Variants in PTPRT observed in about 807,000 individuals in gnomAD.
PTPRT encodes the protein protein tyrosine phosphatase receptor type T, also known as receptor-type tyrosine-protein phosphatase T.
PTPRT carries 56 observed loss-of-function variants against 176.8 expected under a neutral mutation model. The ratio of observed to expected loss-of-function variants is 0.32; its 90% confidence interval spans 0.26 to 0.40. The LOEUF (loss-of-function observed/expected upper bound fraction) is 0.40. Among genes scored for constraint, PTPRT ranks in the 10% least tolerant of loss-of-function variants. PTPRT has a pLI of 1.00. For synonymous variants in PTPRT, 783 were observed against 739.0 expected, an observed-to-expected ratio of 1.06 and a Z score of -0.96; for missense variants, 1,540 against 1,908.2, an observed-to-expected ratio of 0.81 and a Z score of 3.60.
At chr20:42,838,226 A>T (rs1377397695) in intron 2 of PTPRT, among the ~76,000 whole-genome samples, 2 of 152,134 alleles carry the variant, frequency 1.3e-5, no homozygotes, top group African/African-American at 4.8e-5. Context: ...GGGTTTCGCC[A>T]TGTTGGCCAG....
At chr20:43,129,005 CT>C (rs2013552127) in intron 1 of PTPRT, among the ~76,000 whole-genome samples, 5 of 152,228 alleles carry the variant, frequency 3.3e-5, no homozygotes. Flanking sequence ...TTCTATCCAT[CT>C]GGCCTACAAA....
chr20:42,400,308 T>G (rs2058892624), intron 9 of PTPRT, among the ~76,000 whole-genome samples: 1 of 151,906 alleles, frequency 6.6e-6, no homozygotes, highest in African/African-American at 2.4e-5. Flanking sequence ...ACAAGCACAG[T>G]TGATTGGTTG....
intron 9 of PTPRT, among the ~76,000 whole-genome samples, chr20:42,388,079 A>G (rs2058762262): frequency 6.6e-6 from 1 of 152,122 alleles, no homozygotes; most frequent in African/African-American, 2.4e-5. Context: ...GTGAGTCACC[A>G]CGCCTGGCCC....
intron 17 of PTPRT, among the ~76,000 whole-genome samples, chr20:42,160,089 C>T (rs1989521261): frequency 4.0e-5 from 6 of 151,646 alleles, no homozygotes; most frequent in Admixed American, 3.9e-4. Flanking sequence ...TTCTACTGCA[C>T]ACAGCAAAAC....
At chr20:42,184,589 T>C (rs545690092) in intron 16 of PTPRT, among the ~76,000 whole-genome samples, 2 of 143,442 alleles carry the variant, frequency 1.4e-5, no homozygotes, top group African/African-American at 2.6e-5. Flanking sequence ...CTTCTTCTTC[T>C]TCTTCCTCTT....
At chr20:42,470,086 C>A (rs2071167692) in intron 8 of PTPRT, among the ~76,000 whole-genome samples, 1 of 152,216 alleles carries the variant, frequency 6.6e-6, no homozygotes, top group Non-Finnish European at 1.5e-5. Context: ...GAGGCTCTGT[C>A]TTCAAGTTCT....
intron 1 of PTPRT, among the ~76,000 whole-genome samples, chr20:43,128,839 A>G (rs1346297264): frequency 6.6e-6 from 1 of 152,216 alleles, no homozygotes; most frequent in Non-Finnish European, 1.5e-5. Flanking sequence ...CTTCTCCCAC[A>G]GCTGCCCACA....
Position 42,752,515 on chromosome 20 carries a change from T to A in PTPRT, c.859+3947A>T, listed in dbSNP as rs144506795. On this transcript the variant is annotated intron_variant, in intron 6 of 30. Coordinates refer to ENST00000373187, the MANE Select transcript of PTPRT (RefSeq NM_007050.6). Reference sequence around the variant, plus strand: ...ACTGGAACCAAAGGGTGGGAACCTGTGAGGAGGAAGACCTTGAAGACATGG... The same window carrying A: ...ACTGGAACCAAAGGGTGGGAACCTGAGAGGAGGAAGACCTTGAAGACATGG... Among the ~76,000 whole-genome samples, 1,018 of 152,292 alleles carry A rather than the reference T, an allele frequency of 6.7e-3. 9 individuals carry two copies. Among genetic ancestry groups the A allele is most frequent in the African/African-American group, 0.024 (983 of 41,556 alleles).
chr20:42,142,298 T>C (rs1307749888), intron 17 of PTPRT, among the ~76,000 whole-genome samples: 2 of 152,180 alleles, frequency 1.3e-5, no homozygotes, highest in African/African-American at 4.8e-5. Flanking sequence ...AACAGATACT[T>C]ACTGAGCCCC....
At chr20:42,729,554 G>T (rs2076429993) in intron 6 of PTPRT, among the ~76,000 whole-genome samples, 2 of 152,192 alleles carry the variant, frequency 1.3e-5, no homozygotes, top group African/African-American at 2.4e-5. Flanking sequence ...CGGGACTGGG[G>T]TGACATGACT....
chr20:43,017,470 A>C (rs1318429598), intron 1 of PTPRT, among the ~76,000 whole-genome samples: 1 of 151,758 alleles, frequency 6.6e-6, no homozygotes, highest in Non-Finnish European at 1.5e-5. Flanking sequence ...GTGTGTTTGC[A>C]CACCTTGTCC....
At chr20:42,909,354 C>T (rs1383979538) in intron 1 of PTPRT, among the ~76,000 whole-genome samples, 2 of 152,172 alleles carry the variant, frequency 1.3e-5, no homozygotes, top group African/African-American at 4.8e-5. Flanking sequence ...CACCCCTCAC[C>T]CCTAAAAGGA....
rs73906903 is a variant in PTPRT at position 42,319,845 on chromosome 20, C to T, written c.1866-3849G>A. 4.8e-3 allele frequency among the ~76,000 whole-genome samples: 726 copies of T among 152,274 alleles called. 4 individuals are homozygous for T. Among genetic ancestry groups the T allele is most frequent in the African/African-American group, 0.017 (690 of 41,558 alleles). ...TAAAATCATATCCAAATGTGAATGA[C>T]CTCCCTTTTGGGGTCATATCTCCAG... is the stretch of plus-strand genomic sequence containing the variant. On this transcript the variant is annotated intron_variant, in intron 11 of 30. Coordinates refer to ENST00000373187, the MANE Select transcript of PTPRT (RefSeq NM_007050.6).
intron 2 of PTPRT, among the ~76,000 whole-genome samples, chr20:42,848,200 T>C (rs2078409605): frequency 2.0e-5 from 3 of 152,260 alleles, no homozygotes; most frequent in African/African-American, 7.2e-5. Flanking sequence ...CCATGGCATA[T>C]ACATGCCATA....
intron 7 of PTPRT, among the ~76,000 whole-genome samples, chr20:42,588,384 C>T (rs537510289): frequency 1.3e-5 from 2 of 152,142 alleles, no homozygotes; most frequent in South Asian, 4.2e-4. Context: ...GTGAAGGTTG[C>T]AGTCAGCTGA....
At chr20:42,184,616 TCC>T (rs1990694529) in intron 16 of PTPRT, among the ~76,000 whole-genome samples, 4 of 130,876 alleles carry the variant, frequency 3.1e-5, no homozygotes, top group Admixed American at 7.8e-5. Flanking sequence ...CTTCTTCTTC[TCC>T]TCCTTCTTCT....
At chr20:42,785,661 C>G (rs1214495005) in intron 3 of PTPRT, among the ~76,000 whole-genome samples, 3 of 152,178 alleles carry the variant, frequency 2.0e-5, no homozygotes, top group Non-Finnish European at 4.4e-5. Flanking sequence ...CAAGGAAATG[C>G]AATGAGGCTG....
At chr20:42,365,692 T>A (rs770832233) in intron 9 of PTPRT, among the ~76,000 whole-genome samples, 1 of 152,166 alleles carries the variant, frequency 6.6e-6, no homozygotes, top group Non-Finnish European at 1.5e-5. Context: ...AAAAATCTCA[T>A]AATGTTTTAA....
intron 6 of PTPRT, among the ~76,000 whole-genome samples, chr20:42,752,436 G>T (rs1046521819): frequency 6.6e-6 from 1 of 152,166 alleles, no homozygotes; most frequent in African/African-American, 2.4e-5. Context: ...GGGACAAGGT[G>T]GGGCCAGAAT....
Sources: allele counts gnomAD v4.1 joint callset (sites outside exome capture counted in the v4.1 genomes callset), GRCh38; gene constraint gnomAD v4.1.1; transcripts MANE v1.5; gene names NCBI Gene and HGNC (gene_info 2026-07-23, HGNC 2026-07-21).